Variants in ZFAT observed in about 807,000 individuals in gnomAD.
The protein encoded by ZFAT is zinc finger and AT-hook domain containing.
A neutral mutation model predicts 117.7 loss-of-function variants in ZFAT; 64 were observed. The ratio of observed to expected loss-of-function variants is 0.54; its 90% confidence interval spans 0.44 to 0.67. The LOEUF (loss-of-function observed/expected upper bound fraction) is 0.67, where lower values mean the gene tolerates loss of function less well. ZFAT is among the 30% of genes least tolerant of loss of function. The pLI, the probability that ZFAT is intolerant of heterozygous loss-of-function variation, is 0.00. For missense variants in ZFAT, 1,433 were observed against 1,584.5 expected, an observed-to-expected ratio of 0.90 and a Z score of 1.62; for synonymous variants, 679 against 615.0, an observed-to-expected ratio of 1.10 and a Z score of -1.54.
chr8:134,590,299 C>T lies in ZFAT; in HGVS notation c.2532G>A (p.Leu844=), dbSNP rs10505626. ...VCEKSFSEDR[L]IKSHIKTNHP... is the part of the protein sequence containing the mutation. ...GGTTGGTCTTGATATGTGACTTTAT[C>T]AATCGATCCTCTGAAAAAGACTTTT... is the stretch of plus-strand genomic sequence containing the variant. Residue 844 remains leucine, a synonymous_variant, in exon 8 of 16, where the codon TTG becomes TTA. Coordinates refer to ENST00000377838, the MANE Select transcript of ZFAT (RefSeq NM_020863.4). 14,769 of 1,613,230 alleles carry T rather than the reference C, an allele frequency of 9.2e-3. 1,159 individuals carry two copies. The African/African-American group carries it at 0.17, about 19-fold the overall frequency.
the ZFAT span, chr8:134,797,339 T>G: frequency 1.3e-5 from 2 of 152,184 alleles, no homozygotes; most frequent in Admixed American, 6.5e-5. Context: ...ACCTTTTAAG[T>G]GCCTTTTATA....
the ZFAT span, among the ~76,000 whole-genome samples, chr8:134,724,134 G>T: frequency 2.0e-5 from 3 of 152,196 alleles, no homozygotes; most frequent in Non-Finnish European, 4.4e-5. Context: ...GCAGGCTCAG[G>T]TGCCATCTGC....
intron 1 of ZFAT, among the ~76,000 whole-genome samples, chr8:134,671,523 T>A (rs371542158): frequency 6.6e-6 from 1 of 152,218 alleles, no homozygotes; most frequent in South Asian, 2.1e-4. Context: ...TCTCAATAGA[T>A]GCAGAAAAGG....
At chr8:134,827,924 A>G in the ZFAT span, among the ~76,000 whole-genome samples, 2 of 152,222 alleles carry the variant, frequency 1.3e-5, no homozygotes, top group Non-Finnish European at 2.9e-5. Flanking sequence ...AATGAAATTG[A>G]GAACATAAAT....
intron 11 of ZFAT, among the ~76,000 whole-genome samples, chr8:134,556,282 GGAGA>G (rs1179701922): frequency 6.6e-6 from 1 of 151,552 alleles, no homozygotes; most frequent in African/African-American, 2.4e-5. Flanking sequence ...AGAATTAAAG[GGAGA>G]GAGAGAGAGA....
Position 134,689,165 on chromosome 8 carries a change from G to T in ZFAT, c.19+23680C>A, listed in dbSNP as rs530494956. Reference sequence around the variant, plus strand: ...CACCAGAGCGTAACAGTTTACCACTGCAATGGCAACACCCAAAAGTTACTG... The same window carrying T: ...CACCAGAGCGTAACAGTTTACCACTTCAATGGCAACACCCAAAAGTTACTG... On this transcript the variant is annotated intron_variant, in intron 1 of 15. Coordinates refer to ENST00000377838, the MANE Select transcript of ZFAT (RefSeq NM_020863.4). Among the ~76,000 whole-genome samples the T allele has an allele frequency of 1.5e-4, 23 of 152,280 alleles. 1 individual carries two copies. The South Asian group carries it at 4.4e-3, about 29-fold the overall frequency.
At chr8:134,658,040 T>C (rs1586905634) in intron 1 of ZFAT, among the ~76,000 whole-genome samples, 1 of 152,232 alleles carries the variant, frequency 6.6e-6, no homozygotes, top group African/African-American at 2.4e-5. Context: ...TACAGCCAAG[T>C]AAAAAATAAA....
chr8:134,771,819 G>A, the ZFAT span, among the ~76,000 whole-genome samples: 9 of 152,336 alleles, frequency 5.9e-5, no homozygotes, highest in East Asian at 1.5e-3. Context: ...ACAAAAGAAA[G>A]AGGTTTAATG....
intron 5 of ZFAT, among the ~76,000 whole-genome samples, chr8:134,605,162 G>A (rs1394830817): frequency 6.6e-6 from 1 of 152,212 alleles, no homozygotes; most frequent in Non-Finnish European, 1.5e-5. Context: ...ACAGTGAACT[G>A]ATGCCAGAGC....
At chr8:134,710,185 G>A (rs1813937006) in intron 1 of ZFAT, among the ~76,000 whole-genome samples, 1 of 152,144 alleles carries the variant, frequency 6.6e-6, no homozygotes, top group Non-Finnish European at 1.5e-5. Flanking sequence ...GAGGAGGAAG[G>A]CACCAATCGA....
chr8:134,641,546 C>T (rs1586873816), intron 2 of ZFAT, among the ~76,000 whole-genome samples: 4 of 152,310 alleles, frequency 2.6e-5, no homozygotes, highest in African/African-American at 9.6e-5. Flanking sequence ...GAGCCACACA[C>T]ACGTAGGGTG....
At chr8:134,757,189 G>C in the ZFAT span, among the ~76,000 whole-genome samples, 2 of 151,606 alleles carry the variant, frequency 1.3e-5, no homozygotes, top group Non-Finnish European at 2.9e-5. Flanking sequence ...GCTAATTTTT[G>C]TATTTTTAGT....
chr8:134,696,645 G>A, intron 1 of ZFAT: 1 of 981,942 alleles, frequency 1.0e-6, no homozygotes. Context: ...TGCCCAGGTG[G>A]GACAGGGCAT....
chr8:134,642,052 T>C (rs1259430255), intron 2 of ZFAT, among the ~76,000 whole-genome samples: 1 of 152,216 alleles, frequency 6.6e-6, no homozygotes, highest in African/African-American at 2.4e-5. Flanking sequence ...TATTATCTCA[T>C]TTTAGCCTTA....
intron 1 of ZFAT, among the ~76,000 whole-genome samples, chr8:134,662,833 C>T (rs1312117598): frequency 1.3e-5 from 2 of 152,242 alleles, no homozygotes; most frequent in Non-Finnish European, 2.9e-5. Context: ...CCAGTGTGTC[C>T]TGAGCCTCCA....
chr8:134,587,482 C>T (rs750831888), intron 9 of ZFAT, among the ~76,000 whole-genome samples: 2 of 152,108 alleles, frequency 1.3e-5, no homozygotes, highest in Non-Finnish European at 1.5e-5. Context: ...TCCTTCATCC[C>T]CCTCTACTCT....
At chr8:134,827,191 A>G in the ZFAT span, among the ~76,000 whole-genome samples, 293 of 152,296 alleles carry the variant, frequency 1.9e-3, 3 homozygotes, top group African/African-American at 6.7e-3. Context: ...AGCTGGGACT[A>G]CAGGCGTGTG....
chr8:134,687,350 G>T (rs1436157136), intron 1 of ZFAT, among the ~76,000 whole-genome samples: 1 of 152,216 alleles, frequency 6.6e-6, no homozygotes, highest in African/African-American at 2.4e-5. Context: ...CTCAGCATCA[G>T]CTATAATTAG....
intron 11 of ZFAT, among the ~76,000 whole-genome samples, chr8:134,538,851 A>G (rs559912990): frequency 6.7e-6 from 1 of 150,230 alleles, no homozygotes; most frequent in East Asian, 1.9e-4. Flanking sequence ...AAGATTTACA[A>G]ATTGAGTTGA....
Sources: allele counts gnomAD v4.1 joint callset (sites outside exome capture counted in the v4.1 genomes callset), GRCh38; gene constraint gnomAD v4.1.1; transcripts MANE v1.5; gene names NCBI Gene and HGNC (gene_info 2026-07-23, HGNC 2026-07-21).